Variants in EMC2 observed in about 807,000 individuals in gnomAD.
EMC2 encodes the protein ER membrane protein complex subunit 2, also known as TPR repeat protein 35.
Under a neutral mutation model 51.6 loss-of-function variants are expected in EMC2, and 37 were observed. The observed-to-expected ratio is 0.72, with a 90% CI of 0.55 to 0.94. The LOEUF (loss-of-function observed/expected upper bound fraction) is 0.94. Among genes scored for constraint, EMC2 ranks in the 40% least tolerant of loss-of-function variants. EMC2 has a pLI of 0.00. For synonymous variants in EMC2, 131 were observed against 112.4 expected (o/e 1.17, Z -1.04); for missense variants, 359 against 350.9 (o/e 1.02, Z -0.18).
intron 5 of EMC2, among the ~76,000 whole-genome samples, chr8:108,463,010 G>A (rs1238624097): frequency 6.6e-6 from 1 of 152,114 alleles, no homozygotes. Context: ...CTGGTGCTCT[G>A]CCTAGTTAAC....
rs1237628002 is a variant in EMC2, at chr8:108,488,605, T to TA, written c.*2008dup. 6.6e-6 allele frequency among the ~76,000 whole-genome samples: 1 copy of TA among 152,222 alleles called. No homozygotes were observed. Among genetic ancestry groups the TA allele is most frequent in the Non-Finnish European group, 1.5e-5 (1 of 68,040 alleles). The stretch of plus-strand genomic sequence containing the variant: ...ACAGCAGGCAGTTGCCTACAGCTAT[T>TA]ACCTTTATTTCTTCTTTAGCAGTAC... On this transcript the variant is annotated 3_prime_UTR_variant, in exon 11 of 11. Coordinates refer to ENST00000220853, the MANE Select transcript of EMC2 (RefSeq NM_014673.5).
chr8:108,451,920 A>G (rs1819034038), intron 3 of EMC2, among the ~76,000 whole-genome samples: 1 of 152,100 alleles, frequency 6.6e-6, no homozygotes, highest in African/African-American at 2.4e-5. Flanking sequence ...TAACTTGAAT[A>G]TTTTTCTTAG....
chr8:108,475,956 A>G lies in EMC2; in HGVS notation c.584A>G (p.Tyr195Cys). Reference sequence around the variant, plus strand: ...CACAACCACTTATACTGTCAGCAGTATGCTGAAGTAAGTGTTTTCAGAACA... The same window carrying G: ...CACAACCACTTATACTGTCAGCAGTGTGCTGAAGTAAGTGTTTTCAGAACA... The part of the protein sequence containing the change: ...NPHNHLYCQQ[Y>C]AEVKYTQGGL... The change falls in exon 8 of 11, where the codon TAT becomes TGT. Residue 195 changes from tyrosine (Y) to cysteine (C), a missense_variant. By Grantham distance (194) the Tyr-to-Cys change is radical. Coordinates refer to ENST00000220853, the MANE Select transcript of EMC2 (RefSeq NM_014673.5). 6.4e-7 allele frequency: 1 copy of G among 1,562,014 alleles called. No homozygotes were observed. Among genetic ancestry groups the G allele is most frequent in the Non-Finnish European group, 8.7e-7 (1 of 1,147,850 alleles).
intron 5 of EMC2, among the ~76,000 whole-genome samples, chr8:108,458,751 C>T (rs891923252): frequency 3.3e-5 from 5 of 152,214 alleles, no homozygotes; most frequent in South Asian, 4.1e-4. Context: ...AGACCTCTGA[C>T]ATGCCCTGGA....
intron 1 of EMC2, among the ~76,000 whole-genome samples, chr8:108,447,872 A>G (rs1818916496): frequency 6.6e-6 from 1 of 152,180 alleles, no homozygotes; most frequent in Non-Finnish European, 1.5e-5. Context: ...CTTTGAGGAA[A>G]GAGTGAGGGA....
chr8:108,451,250 A>C (rs1037008249), intron 3 of EMC2, among the ~76,000 whole-genome samples: 1 of 152,144 alleles, frequency 6.6e-6, no homozygotes, highest in African/African-American at 2.4e-5. Flanking sequence ...TGCTTTTAAA[A>C]TAACACTGTA....
chr8:108,465,872 C>T (rs1314990282), intron 5 of EMC2, among the ~76,000 whole-genome samples: 1 of 152,090 alleles, frequency 6.6e-6, no homozygotes, highest in Non-Finnish European at 1.5e-5. Flanking sequence ...CTTATATGGT[C>T]ATCCAGATTT....
intron 5 of EMC2, among the ~76,000 whole-genome samples, chr8:108,459,078 G>C (rs1408102984): frequency 1.1e-4 from 16 of 152,142 alleles, no homozygotes; most frequent in Admixed American, 1.0e-3. Flanking sequence ...AAAACATAAC[G>C]AGTCACTTTT....
intron 5 of EMC2, among the ~76,000 whole-genome samples, chr8:108,462,859 T>C (rs947100335): frequency 1.3e-5 from 2 of 151,476 alleles, no homozygotes; most frequent in African/African-American, 4.8e-5. Flanking sequence ...TCTTTTAATA[T>C]TCTTAAACAG....
At chr8:108,443,736 G>T in intron 1 of EMC2, 38 bp downstream of exon 1, 2 of 1,575,740 alleles carry the variant, frequency 1.3e-6, no homozygotes, top group Non-Finnish European at 1.7e-6. Context: ...AAGACTAAAA[G>T]CGCTGGGAAG....
At chr8:108,462,068 A>C (rs1275432254) in intron 5 of EMC2, among the ~76,000 whole-genome samples, 1 of 152,160 alleles carries the variant, frequency 6.6e-6, no homozygotes, top group African/African-American at 2.4e-5. Context: ...CAGCCTCTCA[A>C]AGTGCTGGGA....
At chr8:108,447,235 G>T (rs1196479032) in intron 1 of EMC2, among the ~76,000 whole-genome samples, 3 of 146,644 alleles carry the variant, frequency 2.0e-5, no homozygotes, top group Non-Finnish European at 4.5e-5. Context: ...ACAGATGCTG[G>T]AAGAAATCCA....
intron 3 of EMC2, 112 bp from the exon 4 acceptor site, chr8:108,452,950 A>G (rs1819063031): frequency 2.1e-6 from 1 of 469,094 alleles, no homozygotes; most frequent in South Asian, 5.2e-5. Context: ...TCATGTTATT[A>G]GATGACACTA....
intron 1 of EMC2, among the ~76,000 whole-genome samples, chr8:108,444,918 C>G (rs1818841164): frequency 6.6e-6 from 1 of 152,168 alleles, no homozygotes; most frequent in African/African-American, 2.4e-5. Context: ...AGGCTTGTGT[C>G]AGGGTATCTT....
At chr8:108,454,197 A>G (rs1819099022) in intron 4 of EMC2, among the ~76,000 whole-genome samples, 1 of 152,064 alleles carries the variant, frequency 6.6e-6, no homozygotes, top group African/African-American at 2.4e-5. Flanking sequence ...TACTTAGACC[A>G]TTTACATTTA....
At chr8:108,474,076 A>T (rs574456830) in intron 7 of EMC2, 1 of 152,138 alleles carries the variant, frequency 6.6e-6, no homozygotes, top group Admixed American at 6.6e-5. Context: ...TATCCACAAA[A>T]TTAGTTTGAT....
chr8:108,458,925 AT>A (rs1192123017), intron 5 of EMC2, among the ~76,000 whole-genome samples: 1 of 152,140 alleles, frequency 6.6e-6, no homozygotes, highest in Non-Finnish European at 1.5e-5. Flanking sequence ...GTAAAACTGA[AT>A]GCCTTTAACA....
chr8:108,463,239 G>A (rs992470179), intron 5 of EMC2, among the ~76,000 whole-genome samples: 43 of 152,186 alleles, frequency 2.8e-4, no homozygotes, highest in African/African-American at 1.0e-3. Flanking sequence ...ATCGAAATAG[G>A]ATATATTTTG....
chr8:108,467,223 A>T (rs1203010394), intron 5 of EMC2, among the ~76,000 whole-genome samples: 1 of 152,038 alleles, frequency 6.6e-6, no homozygotes, highest in African/African-American at 2.4e-5. Flanking sequence ...GTGCGTTTCT[A>T]TTTTTATCTT....
Sources: allele counts gnomAD v4.1 joint callset (sites outside exome capture counted in the v4.1 genomes callset), GRCh38; gene constraint gnomAD v4.1.1; transcripts MANE v1.5; gene names NCBI Gene and HGNC (gene_info 2026-07-23, HGNC 2026-07-21).